Variants in STAT5B observed in about 807,000 individuals in gnomAD.
STAT5B encodes the protein signal transducer and activator of transcription 5B.
In STAT5B, 21 loss-of-function variants were observed where a neutral mutation model predicts 107.8. The ratio of observed to expected loss-of-function variants is 0.19; its 90% CI spans 0.14 to 0.28. The LOEUF is 0.28. STAT5B is among the 10% of genes least tolerant of loss of function. STAT5B has a pLI of 1.00. For missense variants in STAT5B, 565 were observed against 1,008.2 expected, an observed-to-expected ratio of 0.56 and a Z score of 5.95; for synonymous variants, 325 against 401.7, an observed-to-expected ratio of 0.81 and a Z score of 2.28.
intron 1 of STAT5B, among the ~76,000 whole-genome samples, chr17:42,240,310 G>A (rs2080391448): frequency 6.6e-6 from 1 of 152,246 alleles, no homozygotes; most frequent in South Asian, 2.1e-4. Context: ...GGAATATTAT[G>A]CAGATGTTAA....
At position 42,221,039 on chromosome 17, in the gene STAT5B, A is replaced by G. The variant is rs1199116957; in HGVS notation, c.551-1197T>C. 1.0e-2 allele frequency among the ~76,000 whole-genome samples: 1,318 copies of G among 132,052 alleles called. 2 individuals carry two copies. Among genetic ancestry groups the G allele is most frequent in the African/African-American group, 0.032 (996 of 31,594 alleles). The allele number at this position is 132,052 out of a possible 152,430, so 86.6% of individuals were successfully genotyped here. A position where few individuals can be genotyped will look rare whatever the true frequency, so the allele number is the denominator to read the frequency against. On this transcript the variant is annotated intron_variant, in intron 5 of 18. Transcript: ENST00000293328. ...TGCGCGCACCAGCATGTCTTGGTCG[A>G]GCTCCTGGCTGGCCCCTGAGGGCCA...
At chr17:42,257,223 C>T (rs1387530209) in intron 1 of STAT5B, among the ~76,000 whole-genome samples, 1 of 152,204 alleles carries the variant, frequency 6.6e-6, no homozygotes, top group South Asian at 2.1e-4. Flanking sequence ...GCCCCTGCTA[C>T]ACTTTCTAGT....
At chr17:42,269,439 A>T (rs1390270471) in intron 1 of STAT5B, 5 of 152,226 alleles carry the variant, frequency 3.3e-5, no homozygotes, top group Non-Finnish European at 5.9e-5. Flanking sequence ...TCTCACCTAA[A>T]GGCTGGAAAA....
In STAT5B at chr17:42,207,506, C is replaced by T. The variant is rs2080094997; in HGVS notation, c.2077+52G>A. On this transcript the variant is annotated intron_variant, in intron 16 of 18. Transcript: ENST00000293328. ...AGGTATGCACACACACACACACACA[C>T]ACACACACACACACACACAACAAAA... 12 of 1,592,844 alleles carry T rather than the reference C, an allele frequency of 7.5e-6. No individual in the cohort carries two copies. The East Asian group carries it at 2.5e-4, about 33-fold the overall frequency.
At chr17:42,241,869 C>T (rs966165597) in intron 1 of STAT5B, among the ~76,000 whole-genome samples, 35 of 152,190 alleles carry the variant, frequency 2.3e-4, no homozygotes, top group African/African-American at 8.4e-4. Flanking sequence ...AGGTTAATAC[C>T]AGAGCCATCT....
At chr17:42,239,889 G>A (rs967202784) in intron 1 of STAT5B, among the ~76,000 whole-genome samples, 1 of 152,228 alleles carries the variant, frequency 6.6e-6, no homozygotes, top group Admixed American at 6.5e-5. Flanking sequence ...ACTTTGGGAC[G>A]CTGAGGCGGG....
At chr17:42,277,109 A>G (rs945844216), upstream of STAT5B, among the ~76,000 whole-genome samples, 8 of 152,202 alleles carry the variant, frequency 5.3e-5, no homozygotes, top group Non-Finnish European at 1.2e-4. Context: ...AAACAGGGTC[A>G]TCTGTAGGAT....
At position 42,269,098 on chromosome 17, in the gene STAT5B, GA is replaced by G. The variant is rs769531142; in HGVS notation, c.-11+7149del. Reference sequence around the variant, plus strand: ...TTAATTTATTTATTTTTTTGAGATGGAGTCTCGCTCCGTCTCCCAGGCTGGA... The same window carrying G: ...TTAATTTATTTATTTTTTTGAGATGGGTCTCGCTCCGTCTCCCAGGCTGGA... On this transcript the variant is annotated intron_variant, in intron 1 of 18. Transcript: ENST00000293328. Among the ~76,000 whole-genome samples, 26 of 152,164 alleles carry G rather than the reference GA, an allele frequency of 1.7e-4. No homozygotes were observed. In the East Asian group the frequency reaches 3.7e-3, roughly 21 times the overall value.
intron 1 of STAT5B, among the ~76,000 whole-genome samples, chr17:42,238,934 T>C (rs1459167018): frequency 6.7e-6 from 1 of 149,898 alleles, no homozygotes; most frequent in Non-Finnish European, 1.5e-5. Context: ...GCCCTATGCA[T>C]ACTAAACTCT....
At position 42,201,120 on chromosome 17, in the gene STAT5B, T is replaced by C. The variant is rs1374163956; in HGVS notation, c.*618A>G. ...AAGCCACCGCCCATCCGAAAGCTTGTGACTTCCCTTGCCCCAACAATCTTT... is the reference window on the plus strand; with the variant it reads ...AAGCCACCGCCCATCCGAAAGCTTGCGACTTCCCTTGCCCCAACAATCTTT... On this transcript the variant is annotated 3_prime_UTR_variant, in exon 19 of 19. Transcript: ENST00000293328. 1 of 405,752 alleles carries C rather than the reference T, an allele frequency of 2.5e-6. No homozygotes were observed. The highest frequency in any genetic ancestry group is 4.3e-6 in the Non-Finnish European group (1 of 230,162). 25.1% of individuals were successfully genotyped at this position (405,752 alleles called of 1,614,324 possible).
At chr17:42,210,122 T>C (rs758823858) in intron 15 of STAT5B, 49 bp downstream of exon 15, 14 of 1,613,922 alleles carry the variant, frequency 8.7e-6, no homozygotes, top group Non-Finnish European at 1.1e-5. Flanking sequence ...TAAAATAATT[T>C]TGTAACGAAA....
At chr17:42,252,522 T>C (rs1415264223) in intron 1 of STAT5B, among the ~76,000 whole-genome samples, 1 of 152,196 alleles carries the variant, frequency 6.6e-6, no homozygotes, top group Non-Finnish European at 1.5e-5. Flanking sequence ...TAATTGTGTA[T>C]TGAATACAAT....
chr17:42,201,558 A>G lies in STAT5B; in HGVS notation c.*180T>C, dbSNP rs998219647. ...CACACACACACACACACACACAAAC[A>G]CATACTCGCACTCCCTTCGCTGGTG... On this transcript the variant is annotated 3_prime_UTR_variant, in exon 19 of 19. Transcript: ENST00000293328. 2.0e-4 allele frequency: 133 copies of G among 676,342 alleles called. No homozygotes were observed. Among genetic ancestry groups the G allele is most frequent in the Admixed American group, 3.1e-4 (15 of 48,916 alleles). 41.9% of individuals were successfully genotyped at this position (676,342 alleles called of 1,614,324 possible).
intron 5 of STAT5B, among the ~76,000 whole-genome samples, chr17:42,221,939 G>A (rs894896780): frequency 6.8e-6 from 1 of 148,002 alleles, no homozygotes; most frequent in East Asian, 2.0e-4. Flanking sequence ...TGTGTGTGGT[G>A]TGTATGTGTG....
At chr17:42,287,285 G>T in the STAT5B span, among the ~76,000 whole-genome samples, 1 of 151,748 alleles carries the variant, frequency 6.6e-6, no homozygotes, top group Non-Finnish European at 1.5e-5. Context: ...GGAGAGAAAA[G>T]GGCAGCTCTG....
At chr17:42,256,861 CAAAAAAAAAAAAAAA>C (rs781345676) in intron 1 of STAT5B, among the ~76,000 whole-genome samples, 1 of 44,820 alleles carries the variant, frequency 2.2e-5, no homozygotes, top group African/African-American at 9.4e-5. Context: ...GACTCTGTCT[CAAAAAAAAAAAAAAA>C]AAAAAAAAAA....
intron 6 of STAT5B, 44 bp downstream of exon 6, chr17:42,219,668 C>T (rs1290838240): frequency 3.8e-6 from 6 of 1,578,024 alleles, no homozygotes; most frequent in Admixed American, 3.6e-5. Context: ...CAGAGACTGA[C>T]TTCATGGCAC....
At chr17:42,214,279 AGT>A (rs1184403370) in intron 12 of STAT5B, 28 of 985,046 alleles carry the variant, frequency 2.8e-5, no homozygotes, top group Non-Finnish European at 3.3e-5. Context: ...GTACACAGAG[AGT>A]GAGATCTGTG....
intron 1 of STAT5B, 97 bp from the exon 2 acceptor site, chr17:42,232,234 T>C (rs2144297439): frequency 1.6e-6 from 2 of 1,257,224 alleles, no homozygotes; most frequent in East Asian, 3.1e-5. Context: ...GGTAAATGTT[T>C]TTATTTTATT....
Sources: gnomAD v4.1 joint callset for allele counts (sites outside exome capture counted in the v4.1 genomes callset) on GRCh38, gnomAD v4.1.1 for gene constraint, MANE v1.5 for transcripts, NCBI Gene and HGNC (gene_info 2026-07-23, HGNC 2026-07-21) for gene names.